FHIT: variants seen among roughly 807,000 people sequenced by gnomAD.
The protein encoded by FHIT is bis(5'-adenosyl)-triphosphatase.
A neutral mutation model predicts 17.9 loss-of-function variants in FHIT; 19 were observed. The ratio of observed to expected loss-of-function variants is 1.06; its 90% CI spans 0.74 to 1.56. The LOEUF is 1.56. Ranked by LOEUF, FHIT falls within the 40% of genes most tolerant of loss-of-function variation. The pLI is 0.00. For missense variants in FHIT, 248 were observed against 189.2 expected, an observed-to-expected ratio of 1.31 and a Z score of -1.82; for synonymous variants, 81 against 69.7, an observed-to-expected ratio of 1.16 and a Z score of -0.81.
intron 4 of FHIT, chr3:60,617,502 A>T (rs1553676392): frequency 1.9e-5 from 3 of 154,176 alleles, no homozygotes; most frequent in Non-Finnish European, 2.9e-5. Flanking sequence ...ATGATTTTTT[A>T]AAACCCTTTC....
chr3:61,247,261 T>C (rs1023460097), intron 1 of FHIT, among the ~76,000 whole-genome samples: 14 of 152,218 alleles, frequency 9.2e-5, no homozygotes, highest in Admixed American at 7.9e-4. Flanking sequence ...TCCTTCCCTG[T>C]TCCCTGCATC....
At chr3:60,069,787 C>T (rs1187648495) in intron 5 of FHIT, among the ~76,000 whole-genome samples, 1 of 152,204 alleles carries the variant, frequency 6.6e-6, no homozygotes, top group Non-Finnish European at 1.5e-5. Context: ...ATCCATAAAA[C>T]AGTCATACTT....
intron 5 of FHIT, among the ~76,000 whole-genome samples, chr3:60,370,476 G>A (rs1462725665): frequency 6.6e-6 from 1 of 152,092 alleles, no homozygotes; most frequent in Non-Finnish European, 1.5e-5. Context: ...GCCTCCTCAA[G>A]AGTTTAAATA....
At chr3:60,570,742 A>AAAG (rs1417141081) in intron 4 of FHIT, among the ~76,000 whole-genome samples, 1 of 150,784 alleles carries the variant, frequency 6.6e-6, no homozygotes, top group Non-Finnish European at 1.5e-5. Flanking sequence ...AAAATTAAAA[A>AAAG]AAAAAAAAAA....
intron 5 of FHIT, among the ~76,000 whole-genome samples, chr3:60,122,104 T>C (rs1240995127): frequency 1.4e-5 from 2 of 146,126 alleles, no homozygotes; most frequent in African/African-American, 5.1e-5. Context: ...AGAAGAGAAA[T>C]TGCAACTAAA....
intron 5 of FHIT, among the ~76,000 whole-genome samples, chr3:60,129,860 T>A (rs893070420): frequency 6.6e-6 from 1 of 152,206 alleles, no homozygotes; most frequent in Non-Finnish European, 1.5e-5. Context: ...TTATCTGATT[T>A]ATCTTCTTAA....
intron 4 of FHIT, among the ~76,000 whole-genome samples, chr3:60,814,554 T>C (rs1701671684): frequency 6.6e-6 from 1 of 152,218 alleles, no homozygotes; most frequent in South Asian, 2.1e-4. Flanking sequence ...TTTTTATTAC[T>C]GCATAATATC....
intron 5 of FHIT, among the ~76,000 whole-genome samples, chr3:60,442,456 G>T (rs974333909): frequency 1.3e-5 from 2 of 152,136 alleles, no homozygotes; most frequent in African/African-American, 2.4e-5. Flanking sequence ...TGTATAAGGT[G>T]TAAGGAAGGG....
intron 3 of FHIT, among the ~76,000 whole-genome samples, chr3:60,872,238 C>T (rs782715419): frequency 1.3e-5 from 2 of 151,966 alleles, no homozygotes; most frequent in East Asian, 1.9e-4. Context: ...ATCTCATGAG[C>T]GCTTGTTGCA....
intron 2 of FHIT, among the ~76,000 whole-genome samples, chr3:61,098,480 G>A (rs772318404): frequency 5.3e-5 from 8 of 152,060 alleles, no homozygotes; most frequent in Non-Finnish European, 1.2e-4. Context: ...TTCTAGTTCC[G>A]TGAAGAATCT....
intron 3 of FHIT, among the ~76,000 whole-genome samples, chr3:60,899,606 T>G (rs1290559541): frequency 2.0e-5 from 3 of 152,190 alleles, no homozygotes; most frequent in Admixed American, 2.0e-4. Flanking sequence ...CCGGGGTTCA[T>G]GGAGCTCTTG....
chr3:60,930,619 G>T (rs6770423), intron 3 of FHIT, among the ~76,000 whole-genome samples: 2 of 151,960 alleles, frequency 1.3e-5, no homozygotes, highest in Non-Finnish European at 1.5e-5. Flanking sequence ...AAAAAATGCT[G>T]ATCATCACTG....
At chr3:60,066,389 T>C (rs928705619) in intron 5 of FHIT, among the ~76,000 whole-genome samples, 2 of 152,136 alleles carry the variant, frequency 1.3e-5, no homozygotes, top group Non-Finnish European at 2.9e-5. Flanking sequence ...GAGTTGATTT[T>C]TACTTATTAA....
chr3:59,999,825 C>T (rs550853020), intron 7 of FHIT, among the ~76,000 whole-genome samples: 1 of 152,234 alleles, frequency 6.6e-6, no homozygotes, highest in African/African-American at 2.4e-5. Flanking sequence ...ACAGGCTGGT[C>T]TTCAACTCCT....
intron 5 of FHIT, among the ~76,000 whole-genome samples, chr3:60,188,209 T>TTC (rs200526020): frequency 0.018 from 2,421 of 136,098 alleles, 25 homozygotes; most frequent in South Asian, 0.066. Context: ...GTTTCTTTCT[T>TTC]TTTTTTTTTT....
intron 1 of FHIT, among the ~76,000 whole-genome samples, chr3:61,221,443 A>T (rs2039835254): frequency 6.6e-6 from 1 of 152,238 alleles, no homozygotes; most frequent in African/African-American, 2.4e-5. Flanking sequence ...AAAACCAGAT[A>T]TTCAGTGTTT....
intron 8 of FHIT, among the ~76,000 whole-genome samples, chr3:59,921,671 C>T (rs1473500615): frequency 8.7e-6 from 1 of 114,304 alleles, no homozygotes; most frequent in East Asian, 2.3e-4. Context: ...TTATAACAGC[C>T]TGATCCATGA....
chr3:59,894,270 T>C (rs148971380), intron 8 of FHIT, among the ~76,000 whole-genome samples: 234 of 152,252 alleles, frequency 1.5e-3, no homozygotes, highest in Middle Eastern at 0.01. Context: ...AAAATGATCA[T>C]AGATTCTAAA....
chr3:60,728,988 T>A (rs1206870013), intron 4 of FHIT, among the ~76,000 whole-genome samples: 1 of 152,158 alleles, frequency 6.6e-6, no homozygotes, highest in Non-Finnish European at 1.5e-5. Context: ...TTTAAACTCA[T>A]TATCAGAGAG....
Sources: gnomAD v4.1 joint callset for allele counts (sites outside exome capture counted in the v4.1 genomes callset) on GRCh38, gnomAD v4.1.1 for gene constraint, MANE v1.5 for transcripts, NCBI Gene and HGNC (gene_info 2026-07-23, HGNC 2026-07-21) for gene names.